Variants in CASP5 observed in about 807,000 individuals in gnomAD.
CASP5 encodes the protein caspase 5.
CASP5 carries 42 observed loss-of-function variants against 45.2 expected under a neutral mutation model. The ratio of observed to expected loss-of-function variants is 0.93; its 90% CI spans 0.73 to 1.20. The LOEUF (loss-of-function observed/expected upper bound fraction) is 1.20. Ranked by LOEUF, CASP5 falls within the 50% of genes most tolerant of loss-of-function variation. The pLI is 0.00. For synonymous variants in CASP5, 209 were observed against 186.2 expected, an observed-to-expected ratio of 1.12 and a Z score of -1.00; for missense variants, 512 against 532.2, an observed-to-expected ratio of 0.96 and a Z score of 0.37.
chr11:105,003,101 G>T (rs1398122588), intron 4 of CASP5, among the ~76,000 whole-genome samples, 173 bp downstream of exon 4: 1 of 152,132 alleles, frequency 6.6e-6, no homozygotes, highest in African/African-American at 2.4e-5. Context: ...TTGGGAGGCT[G>T]AGGCTGGAGA....
chr11:104,998,790 C>A, intron 7 of CASP5, 95 bp downstream of exon 7: 3 of 1,214,554 alleles, frequency 2.5e-6, no homozygotes, highest in Non-Finnish European at 3.5e-6. Context: ...ATTCTCTCAG[C>A]TCATTGTTGC....
Position 105,003,298 on chromosome 11 carries a change from T to C in CASP5, c.519A>G (p.Arg173=), listed in dbSNP as rs1217015312. Reference sequence around the variant, plus strand: ...CCTCATCATGATTTTTTTTACACAGTCTCAGGAATTCTTCACGAGGACAAA... The same window carrying C: ...CCTCATCATGATTTTTTTTACACAGCCTCAGGAATTCTTCACGAGGACAAA... ...LKLCPREEFL[R]LCKKNHDEIY... Residue 173 remains arginine (R), a synonymous_variant, in exon 4 of 10, where the codon AGA becomes AGG. Transcript: ENST00000260315. 6.2e-6 allele frequency: 10 copies of C among 1,603,294 alleles called. No homozygotes were observed. The highest frequency in any genetic ancestry group is 8.5e-7 in the Non-Finnish European group (1 of 1,173,076).
At chr11:105,010,247 A>G (rs1044140294) in intron 1 of CASP5, among the ~76,000 whole-genome samples, 2 of 151,198 alleles carry the variant, frequency 1.3e-5, no homozygotes, top group African/African-American at 4.8e-5. Flanking sequence ...AAACAGGACA[A>G]AAAGTTACAT....
intron 7 of CASP5, among the ~76,000 whole-genome samples, chr11:104,997,776 G>C (rs754877405): frequency 6.6e-6 from 1 of 152,096 alleles, no homozygotes; most frequent in Non-Finnish European, 1.5e-5. Context: ...GCTTAGAAAA[G>C]GGGACTTGAG....
Position 105,016,745 on chromosome 11 carries a change from GC to G in CASP5, c.7+6384del, listed in dbSNP as rs547325799. Among the ~76,000 whole-genome samples the G allele has an allele frequency of 7.2e-3, 1,090 of 152,228 alleles. 4 individuals carry two copies. Among genetic ancestry groups the G allele is most frequent in the Non-Finnish European group, 8.8e-3 (598 of 68,018 alleles). On this transcript the variant is annotated intron_variant, in intron 1 of 9. Coordinates refer to ENST00000260315, the MANE Select transcript of CASP5 (RefSeq NM_004347.5). The stretch of plus-strand genomic sequence containing the variant: ...GGCTGGGGGAGGGGCGCCCACCATT[GC>G]CCAGGCTTGCTTAGGTAAACAAAGC...
chr11:105,016,777 G>A (rs1033987985), intron 1 of CASP5, among the ~76,000 whole-genome samples: 1 of 152,088 alleles, frequency 6.6e-6, no homozygotes, highest in Admixed American at 6.5e-5. Flanking sequence ...AAAGCAGCCA[G>A]GAAGCTCGAA....
At chr11:105,022,438 C>T (rs1477386241) in intron 1 of CASP5, among the ~76,000 whole-genome samples, 1 of 152,066 alleles carries the variant, frequency 6.6e-6, no homozygotes, top group Non-Finnish European at 1.5e-5. Context: ...ACCAAAGACG[C>T]AATATGACCT....
In CASP5 at chr11:105,006,643, G is replaced by A. The variant is rs374455293; in HGVS notation, c.433+440C>T. ...CTGAATGAGAGCTGGTATCTTGGAA[G>A]TTGTTGGCATGTGGTGCCTGGCATT... On this transcript the variant is annotated intron_variant, in intron 3 of 9. Transcript: ENST00000260315. Among the ~76,000 whole-genome samples, 19 of 152,324 alleles carry A rather than the reference G, an allele frequency of 1.2e-4. No individual in the cohort carries two copies. In the East Asian group the frequency reaches 1.7e-3, roughly 14 times the overall value.
At chr11:105,003,239 C>T in intron 4 of CASP5, 35 bp downstream of exon 4, 1 of 1,256,746 alleles carries the variant, frequency 8.0e-7, no homozygotes, top group Non-Finnish European at 1.2e-6. Flanking sequence ...AATTGTTTCT[C>T]TCTTCTTCCC....
At chr11:105,000,209 A>G in intron 6 of CASP5, 52 bp downstream of exon 6, 8 of 1,580,548 alleles carry the variant, frequency 5.1e-6, no homozygotes, top group Non-Finnish European at 6.1e-6. Flanking sequence ...CAAACATCAC[A>G]ATCCTCTGCA....
At chr11:105,015,009 G>T (rs12286163) in intron 1 of CASP5, among the ~76,000 whole-genome samples, 37,675 of 152,078 alleles carry the variant, frequency 0.25, 4,818 homozygotes, top group Non-Finnish European at 0.28. Context: ...GAAACACAAA[G>T]ATTTTAGGGT....
At chr11:104,999,609 C>G (rs1287013863) in intron 6 of CASP5, among the ~76,000 whole-genome samples, 1 of 150,668 alleles carries the variant, frequency 6.6e-6, no homozygotes. Context: ...CACATGCAAA[C>G]ACACACACAC....
chr11:104,998,742 C>T, intron 7 of CASP5, 143 bp downstream of exon 7: 1 of 737,294 alleles, frequency 1.4e-6, no homozygotes, highest in South Asian at 2.1e-5. Context: ...TCTCACAGCA[C>T]ACATAAGATC....
chr11:105,022,164 G>A (rs1185642997), intron 1 of CASP5, among the ~76,000 whole-genome samples: 1 of 117,728 alleles, frequency 8.5e-6, no homozygotes, highest in Non-Finnish European at 1.7e-5. Context: ...CTGTTGTGGG[G>A]TGGGGGGAGG....
At chr11:104,997,238 T>G in intron 8 of CASP5, 145 bp downstream of exon 8, 1 of 626,190 alleles carries the variant, frequency 1.6e-6, no homozygotes, top group Non-Finnish European at 2.9e-6. Context: ...CTAAAGCAGA[T>G]TTTAAACACC....
rs1017407155 is a variant in CASP5, at chr11:105,003,383, G to A, written c.434C>T (p.Pro145Leu). The A allele has an allele frequency of 1.3e-6, 2 of 1,543,690 alleles. No individual in the cohort carries two copies. The highest frequency in any genetic ancestry group is 1.8e-6 in the Non-Finnish European group (2 of 1,129,940). Reference sequence around the variant, plus strand: ...TGGTCCAGCCTCGATTTGCAGAAGAGCTGTGGGATATCACAAAATATAAAT... The same window carrying A: ...TGGTCCAGCCTCGATTTGCAGAAGAACTGTGGGATATCACAAAATATAAAT... ...NMDQKITSVK[P>L]LLQIEAGPPE... is the part of the protein sequence containing the mutation. The change falls in exon 4 of 10, where the codon CCT becomes CTT. Residue 145 changes from proline (P) to leucine (L), a missense_variant and splice_region_variant. Transcript: ENST00000260315.
rs183410046 is a variant in CASP5, at chr11:105,000,663, T to G, written c.718-168A>C. ...GTTTTATGTTTTTTTGTTTTGTTTT[T>G]TTTTTCCTTTGTAATGGGGCTGTGG... On this transcript the variant is annotated intron_variant, in intron 5 of 9. Transcript: ENST00000260315. Among the ~76,000 whole-genome samples, 39 of 152,210 alleles carry G rather than the reference T, an allele frequency of 2.6e-4. 1 individual carries two copies. Among genetic ancestry groups the G allele is most frequent in the East Asian group, 7.7e-4 (4 of 5,196 alleles).
chr11:105,004,082 T>C (rs1320748140), intron 3 of CASP5, among the ~76,000 whole-genome samples: 12 of 152,108 alleles, frequency 7.9e-5, no homozygotes, highest in Non-Finnish European at 1.6e-4. Flanking sequence ...AAGCAACTTT[T>C]ATGTGAATTA....
At chr11:105,019,526 A>G (rs1256370656) in intron 1 of CASP5, among the ~76,000 whole-genome samples, 2 of 151,168 alleles carry the variant, frequency 1.3e-5, no homozygotes, top group African/African-American at 4.8e-5. Context: ...TACTACAAAC[A>G]CCTCTACGCA....
Sources: gnomAD v4.1 joint callset for allele counts (sites outside exome capture counted in the v4.1 genomes callset) on GRCh38, gnomAD v4.1.1 for gene constraint, MANE v1.5 for transcripts, NCBI Gene and HGNC (gene_info 2026-07-23, HGNC 2026-07-21) for gene names.